Variants in BCL9 observed in about 807,000 individuals in gnomAD.
The protein encoded by BCL9 is BCL9 transcription coactivator.
BCL9 carries 25 observed loss-of-function variants against 88.5 expected under a neutral mutation model. The observed-to-expected ratio is 0.28, with a 90% confidence interval of 0.21 to 0.39. The LOEUF (loss-of-function observed/expected upper bound fraction) is 0.39, where lower values mean the gene tolerates loss of function less well. BCL9 is among the 10% of genes least tolerant of loss of function. BCL9 has a pLI of 1.00. For synonymous variants in BCL9, 711 were observed against 673.3 expected, an observed-to-expected ratio of 1.06 and a Z score of -0.87; for missense variants, 1,817 against 1,877.8, an observed-to-expected ratio of 0.97 and a Z score of 0.60.
Position 147,546,385 on chromosome 1 carries a change from C to G in BCL9, c.-478+4711C>G, listed in dbSNP as rs587608267. 3.3e-5 allele frequency among the ~76,000 whole-genome samples: 5 copies of G among 152,062 alleles called. No individual in the cohort carries two copies. In the East Asian group the frequency reaches 5.8e-4, roughly 18 times the overall value. Reference sequence around the variant, plus strand: ...GTTGCCTAAGTTTTGCCATCCCCCCCCTTTTTTTAAAACACTAGAATTTAG... The same window carrying G: ...GTTGCCTAAGTTTTGCCATCCCCCCGCTTTTTTTAAAACACTAGAATTTAG... On this transcript the variant is annotated intron_variant, in intron 1 of 9. Transcript: ENST00000234739.
At chr1:147,586,619 G>T (rs1175881033) in intron 1 of BCL9, among the ~76,000 whole-genome samples, 1 of 152,122 alleles carries the variant, frequency 6.6e-6, no homozygotes, top group Non-Finnish European at 1.5e-5. Flanking sequence ...CAGGGGACCC[G>T]CCCTTAATAG....
At chr1:147,612,097 C>A (rs587681102) in intron 4 of BCL9, among the ~76,000 whole-genome samples, 3 of 152,204 alleles carry the variant, frequency 2.0e-5, no homozygotes, top group Admixed American at 1.3e-4. Context: ...CTTTGTTATT[C>A]TTTTGTCCAT....
intron 1 of BCL9, among the ~76,000 whole-genome samples, chr1:147,573,564 GC>G (rs1366762440): frequency 6.6e-6 from 1 of 152,176 alleles, no homozygotes; most frequent in Non-Finnish European, 1.5e-5. Context: ...GAGAGGATAG[GC>G]TCCGGAGTGA....
At chr1:147,576,307 G>A (rs1472345) in intron 1 of BCL9, among the ~76,000 whole-genome samples, 5 of 151,976 alleles carry the variant, frequency 3.3e-5, no homozygotes, top group South Asian at 4.2e-4. Context: ...CTCATCTCCC[G>A]GCCACTCTAG....
At chr1:147,592,767 T>C (rs1477800297) in intron 1 of BCL9, among the ~76,000 whole-genome samples, 1 of 152,186 alleles carries the variant, frequency 6.6e-6, no homozygotes, top group African/African-American at 2.4e-5. Flanking sequence ...AGAACCAACA[T>C]TTATCGGGCA....
At chr1:147,553,108 G>A (rs968938040) in intron 1 of BCL9, among the ~76,000 whole-genome samples, 1 of 151,992 alleles carries the variant, frequency 6.6e-6, no homozygotes, top group Non-Finnish European at 1.5e-5. Flanking sequence ...TCTGGTGGTT[G>A]TTTCAGGTTG....
rs1553205135 is a variant in BCL9, at chr1:147,620,716, A to G, written c.2561A>G (p.Gln854Arg). 3 of 1,614,044 alleles carry G rather than the reference A, an allele frequency of 1.9e-6. No individual in the cohort carries two copies. In the African/African-American group the frequency reaches 4.0e-5, roughly 22 times the overall value. The change falls in exon 8 of 10, where the codon CAG (glutamine) becomes CGG (arginine). Residue 854 changes from glutamine to arginine, a missense_variant. Gln to Arg is a conservative substitution (Grantham distance 43). Transcript: ENST00000234739. ...KPLDISVAGS[Q>R]VHSPGINPLK... The stretch of plus-strand genomic sequence containing the variant: ...TTGGATATATCTGTGGCAGGCAGCC[A>G]GGTGCATTCCCCAGGCATTAACCCT...
At chr1:147,582,585 C>A (rs995330680) in intron 1 of BCL9, among the ~76,000 whole-genome samples, 2 of 152,040 alleles carry the variant, frequency 1.3e-5, no homozygotes, top group South Asian at 4.2e-4. Flanking sequence ...TTTTGTACAG[C>A]CTATGAGCTA....
intron 1 of BCL9, among the ~76,000 whole-genome samples, chr1:147,547,404 CT>C (rs1222550500): frequency 6.6e-6 from 1 of 152,108 alleles, no homozygotes; most frequent in Non-Finnish European, 1.5e-5. Context: ...CACAATGGCT[CT>C]TAATGCAATT....
At chr1:147,551,896 T>C (rs1654920655) in intron 1 of BCL9, among the ~76,000 whole-genome samples, 1 of 152,192 alleles carries the variant, frequency 6.6e-6, no homozygotes, top group Non-Finnish European at 1.5e-5. Context: ...ATAATTTAAA[T>C]ATGTCAAAAT....
chr1:147,554,688 G>A lies in BCL9; in HGVS notation c.-478+13014G>A, dbSNP rs587598149. 2.2e-3 allele frequency among the ~76,000 whole-genome samples: 335 copies of A among 152,298 alleles called. 3 individuals carry two copies. Among genetic ancestry groups the A allele is most frequent in the African/African-American group, 7.7e-3 (319 of 41,558 alleles). ...TCAGGCGACCTGGGTTCTAGTCCTT[G>A]CTCCCTGTTTATTGTCTGCGCAACC... On this transcript the variant is annotated intron_variant, in intron 1 of 9. Coordinates refer to ENST00000234739, the MANE Select transcript of BCL9 (RefSeq NM_004326.4).
At chr1:147,546,299 C>T (rs1654589358) in intron 1 of BCL9, among the ~76,000 whole-genome samples, 1 of 151,404 alleles carries the variant, frequency 6.6e-6, no homozygotes, top group Non-Finnish European at 1.5e-5. Context: ...GATCCCGCCA[C>T]TGTACTCCAG....
At chr1:147,590,723 T>C (rs1291964749) in intron 1 of BCL9, among the ~76,000 whole-genome samples, 1 of 152,230 alleles carries the variant, frequency 6.6e-6, no homozygotes, top group African/African-American at 2.4e-5. Flanking sequence ...TAAGGATAAT[T>C]GTAGAACCTT....
At position 147,562,955 on chromosome 1, in the gene BCL9, C is replaced by T. The variant is rs966526666; in HGVS notation, c.-478+21281C>T. Among the ~76,000 whole-genome samples the T allele has an allele frequency of 2.6e-5, 4 of 152,124 alleles. No homozygotes were observed. The East Asian group carries it at 7.7e-4, about 29-fold the overall frequency. ...CTCTGACCTCATCTCTTAAAACGCT[C>T]TCCTTTGGTTTAGCTTTAGCCACAC... On this transcript the variant is annotated intron_variant, in intron 1 of 9. Transcript: ENST00000234739.
intron 1 of BCL9, among the ~76,000 whole-genome samples, chr1:147,560,120 A>G (rs1655308296): frequency 6.6e-6 from 1 of 152,228 alleles, no homozygotes; most frequent in Non-Finnish European, 1.5e-5. Flanking sequence ...TGTGCTATTC[A>G]GACCACAACT....
chr1:147,542,703 T>A (rs1185285405), intron 1 of BCL9, among the ~76,000 whole-genome samples: 3 of 140,694 alleles, frequency 2.1e-5, no homozygotes, highest in Non-Finnish European at 3.1e-5. Flanking sequence ...TTAGATTTAT[T>A]GGCCGATTTG....
At chr1:147,589,675 C>T (rs1656766716) in intron 1 of BCL9, among the ~76,000 whole-genome samples, 1 of 152,164 alleles carries the variant, frequency 6.6e-6, no homozygotes, top group South Asian at 2.1e-4. Flanking sequence ...CAGTTCATTT[C>T]CTATTGCTGA....
chr1:147,611,251 G>C (rs746641378), intron 3 of BCL9, among the ~76,000 whole-genome samples: 1 of 152,108 alleles, frequency 6.6e-6, no homozygotes, highest in South Asian at 2.1e-4. Flanking sequence ...AGTTTTTGAG[G>C]GTTTTGTATT....
chr1:147,575,255 C>G (rs1553197938), intron 1 of BCL9, among the ~76,000 whole-genome samples: 1 of 152,200 alleles, frequency 6.6e-6, no homozygotes, highest in Non-Finnish European at 1.5e-5. Flanking sequence ...TTGAGCATCA[C>G]TCCTCTAGAA....
Sources: allele counts gnomAD v4.1 joint callset (sites outside exome capture counted in the v4.1 genomes callset), GRCh38; gene constraint gnomAD v4.1.1; transcripts MANE v1.5; gene names NCBI Gene and HGNC (gene_info 2026-07-23, HGNC 2026-07-21).